Variants in RPN2 observed in about 807,000 individuals in gnomAD.
RPN2 encodes dolichyl-diphosphooligosaccharide--protein glycosyltransferase subunit 2.
RPN2 carries 29 observed loss-of-function variants against 71.4 expected under a neutral mutation model. The ratio of observed to expected loss-of-function variants is 0.41; its 90% CI spans 0.30 to 0.55. The LOEUF (loss-of-function observed/expected upper bound fraction) is 0.55. Ranked by LOEUF, RPN2 falls within the 20% of genes least tolerant of loss-of-function variation. The pLI, the probability that RPN2 is intolerant of heterozygous loss-of-function variation, is 0.35. For missense variants in RPN2, 726 were observed against 774.1 expected, an observed-to-expected ratio of 0.94 and a Z score of 0.74; for synonymous variants, 308 against 305.0, an observed-to-expected ratio of 1.01 and a Z score of -0.10.
intron 2 of RPN2, among the ~76,000 whole-genome samples, chr20:37,190,979 TGCTGCCTTCA>T (rs1184119840): frequency 1.3e-5 from 2 of 152,242 alleles, no homozygotes; most frequent in African/African-American, 4.8e-5. Flanking sequence ...GCTCAGCTGT[TGCTGCCTTCA>T]GCTCAGTAGA....
intron 1 of RPN2, chr20:37,179,630 C>A: frequency 1.2e-6 from 1 of 805,776 alleles, no homozygotes; most frequent in Non-Finnish European, 1.8e-6. Context: ...GCCGTGGGGA[C>A]CGCGGACGCG....
chr20:37,232,821 T>C (rs1045100835), intron 14 of RPN2, among the ~76,000 whole-genome samples: 4 of 152,120 alleles, frequency 2.6e-5, no homozygotes, highest in Admixed American at 2.6e-4. Flanking sequence ...TTTCAAAGAA[T>C]GGATAGATTT....
intron 12 of RPN2, 120 bp downstream of exon 12, chr20:37,228,864 C>G: frequency 1.1e-6 from 1 of 917,446 alleles, no homozygotes; most frequent in South Asian, 1.4e-5. Context: ...TATAAATAAG[C>G]TTGGGAGGTG....
At chr20:37,208,384 A>G (rs1237106559) in intron 7 of RPN2, among the ~76,000 whole-genome samples, 2 of 152,000 alleles carry the variant, frequency 1.3e-5, no homozygotes, top group East Asian at 1.9e-4. Context: ...CCCAATACCA[A>G]ACTTTCTTTT....
chr20:37,184,137 T>G (rs2066947041), intron 1 of RPN2, 43 bp from the exon 2 acceptor site: 2 of 1,610,660 alleles, frequency 1.2e-6, no homozygotes, highest in Non-Finnish European at 1.7e-6. Flanking sequence ...GTATAGCACC[T>G]TGGAAGAGTG....
At chr20:37,232,520 A>G (rs1227743896) in intron 14 of RPN2, 129 bp downstream of exon 14, 1 of 1,122,134 alleles carries the variant, frequency 8.9e-7, no homozygotes, top group Non-Finnish European at 1.3e-6. Context: ...TGTGACCTGA[A>G]TTGATGCTCA....
chr20:37,235,600 C>A (rs2068361923), intron 15 of RPN2, among the ~76,000 whole-genome samples: 1 of 152,032 alleles, frequency 6.6e-6, no homozygotes, highest in Admixed American at 6.6e-5. Context: ...TGTTTCCCCC[C>A]ATAAAAAAAG....
intron 16 of RPN2, among the ~76,000 whole-genome samples, chr20:37,237,077 C>T (rs2068419076): frequency 6.6e-6 from 1 of 152,120 alleles, no homozygotes; most frequent in South Asian, 2.1e-4. Flanking sequence ...TCAACATGTC[C>T]CCGAGAGCTG....
intron 2 of RPN2, among the ~76,000 whole-genome samples, chr20:37,194,540 G>A (rs1223755601): frequency 6.6e-6 from 1 of 152,254 alleles, no homozygotes; most frequent in Non-Finnish European, 1.5e-5. Flanking sequence ...GGGATCACAG[G>A]CGTGAGCCAT....
intron 2 of RPN2, among the ~76,000 whole-genome samples, chr20:37,185,019 G>C (rs749090820): frequency 3.3e-5 from 5 of 152,112 alleles, no homozygotes; most frequent in Non-Finnish European, 5.9e-5. Context: ...GGGAATTCAA[G>C]GTGGAAGGCA....
chr20:37,191,979 A>T (rs2067152502), intron 2 of RPN2, among the ~76,000 whole-genome samples: 1 of 146,244 alleles, frequency 6.8e-6, no homozygotes, highest in Non-Finnish European at 1.5e-5. Context: ...CTCTAGTCCT[A>T]GCTATTTAGG....
chr20:37,228,953 T>C (rs2068158814), intron 12 of RPN2, among the ~76,000 whole-genome samples: 1 of 120,698 alleles, frequency 8.3e-6, no homozygotes, highest in Non-Finnish European at 1.7e-5. Flanking sequence ...TTAATAAATA[T>C]TAAGTGAGTG....
intron 2 of RPN2, among the ~76,000 whole-genome samples, chr20:37,190,342 A>G (rs2067113817): frequency 6.6e-6 from 1 of 152,200 alleles, no homozygotes; most frequent in South Asian, 2.1e-4. Flanking sequence ...GGATAATTAC[A>G]TGATTGGGCT....
chr20:37,212,534 G>T (rs2067699430), intron 8 of RPN2, among the ~76,000 whole-genome samples: 1 of 150,452 alleles, frequency 6.6e-6, no homozygotes, highest in African/African-American at 2.5e-5. Context: ...GGGCTGGAAT[G>T]CAGTGGCGTG....
intron 1 of RPN2, among the ~76,000 whole-genome samples, chr20:37,180,552 G>C (rs1311910760): frequency 6.6e-6 from 1 of 152,100 alleles, no homozygotes; most frequent in Non-Finnish European, 1.5e-5. Flanking sequence ...GGGAATTTAC[G>C]GTCTAGGTGG....
intron 9 of RPN2, among the ~76,000 whole-genome samples, chr20:37,218,138 A>G (rs1177248862): frequency 6.6e-6 from 1 of 152,216 alleles, no homozygotes; most frequent in Non-Finnish European, 1.5e-5. Flanking sequence ...CAGGCTGGGC[A>G]TGAGCCACCA....
chr20:37,213,819 T>A lies in RPN2; in HGVS notation c.1046T>A (p.Leu349His), dbSNP rs2067737733. 1 of 1,614,184 alleles carries A rather than the reference T, an allele frequency of 6.2e-7. No individual in the cohort carries two copies. Among genetic ancestry groups the A allele is most frequent in the Non-Finnish European group, 8.5e-7 (1 of 1,179,992 alleles). Residue 349 changes from leucine to histidine, a missense_variant, in exon 9 of 17, where the codon CTT (leucine) becomes CAT (histidine). Transcript: ENST00000237530. The part of the protein sequence containing the change: ...VKFSSGYYDF[L>H]VEVEGDNRYI... ...TTTTCCAGTGGTTATTATGACTTCC[T>A]TGTCGAAGTTGAAGGTGACAACCGG...
At chr20:37,188,355 A>G (rs754735005) in intron 2 of RPN2, among the ~76,000 whole-genome samples, 13 of 151,864 alleles carry the variant, frequency 8.6e-5, no homozygotes, top group Admixed American at 1.3e-4. Flanking sequence ...AGGTTTCACT[A>G]TGTTGGCCAG....
At chr20:37,200,573 G>A (rs2146570754) in intron 4 of RPN2, 1 of 506,784 alleles carries the variant, frequency 2.0e-6, no homozygotes, top group East Asian at 5.6e-5. Flanking sequence ...TTTTTTTGCT[G>A]ACAACCAGAT....
Sources: allele counts gnomAD v4.1 joint callset (sites outside exome capture counted in the v4.1 genomes callset), GRCh38; gene constraint gnomAD v4.1.1; transcripts MANE v1.5; gene names NCBI Gene and HGNC (gene_info 2026-07-23, HGNC 2026-07-21).